Variants in ANGPTL5 observed in about 807,000 individuals in gnomAD.
ANGPTL5 encodes the protein angiopoietin-related protein 5.
ANGPTL5 carries 34 observed loss-of-function variants against 39.4 expected under a neutral mutation model. That is an observed-to-expected ratio of 0.86 (90% CI 0.66 to 1.15). The LOEUF is 1.15. Among genes scored for constraint, ANGPTL5 ranks in the 50% most tolerant of loss-of-function variants. The probability of loss-of-function intolerance (pLI) is 0.00; values close to 1 mark genes in which losing one functional copy is unlikely to be tolerated. For missense variants in ANGPTL5, 467 were observed against 457.5 expected (o/e 1.02, Z -0.19); for synonymous variants, 146 against 152.1 (o/e 0.96, Z 0.29).
intron 6 of ANGPTL5, among the ~76,000 whole-genome samples, chr11:101,902,286 CAAGT>C (rs2137058141): frequency 6.6e-6 from 1 of 152,170 alleles, no homozygotes; most frequent in East Asian, 1.9e-4. Context: ...TTAAAGCAAG[CAAGT>C]ATTTATATTG....
At chr11:101,906,860 A>G (rs1940005292) in intron 3 of ANGPTL5, among the ~76,000 whole-genome samples, 2 of 152,160 alleles carry the variant, frequency 1.3e-5, no homozygotes, top group African/African-American at 2.4e-5. Flanking sequence ...AGCTGCACTC[A>G]TTGGTTTGAG....
intron 1 of ANGPTL5, among the ~76,000 whole-genome samples, chr11:101,910,422 AAAATAT>A (rs1327225800): frequency 3.1e-5 from 4 of 128,350 alleles, no homozygotes; most frequent in African/African-American, 8.4e-5. Context: ...AAAAAAAAAA[AAAATAT>A]ATATATATAT....
chr11:101,911,579 G>A (rs1236643796), intron 1 of ANGPTL5, among the ~76,000 whole-genome samples: 4 of 152,022 alleles, frequency 2.6e-5, no homozygotes, highest in Non-Finnish European at 4.4e-5. Flanking sequence ...AAAGTGTGTG[G>A]CACCTCCCCT....
At chr11:101,912,375 A>T (rs796577756) in intron 1 of ANGPTL5, among the ~76,000 whole-genome samples, 31 of 152,314 alleles carry the variant, frequency 2.0e-4, no homozygotes, top group African/African-American at 7.5e-4. Flanking sequence ...AAATCCTCAA[A>T]TTTTTTATTA....
chr11:101,900,590 A>C, intron 6 of ANGPTL5, 40 bp from the exon 7 acceptor site: 1 of 1,590,206 alleles, frequency 6.3e-7, no homozygotes, highest in Non-Finnish European at 8.6e-7. Context: ...ATACACTATT[A>C]TTTTCATTAT....
intron 7 of ANGPTL5, among the ~76,000 whole-genome samples, chr11:101,896,670 TG>T (rs1452518800): frequency 2.0e-5 from 3 of 152,218 alleles, no homozygotes; most frequent in Non-Finnish European, 4.4e-5. Flanking sequence ...TCCATGTCCC[TG>T]CAAAGGACAT....
intron 1 of ANGPTL5, among the ~76,000 whole-genome samples, chr11:101,909,457 T>C (rs555925402): frequency 3.9e-5 from 6 of 152,232 alleles, no homozygotes; most frequent in Non-Finnish European, 8.8e-5. Context: ...ATATGTAACA[T>C]TGCGGACAAT....
intron 8 of ANGPTL5, among the ~76,000 whole-genome samples, chr11:101,893,693 A>G (rs908020734): frequency 5.9e-5 from 9 of 152,198 alleles, no homozygotes; most frequent in African/African-American, 1.9e-4. Context: ...GCACTTTTAG[A>G]GAGCAAGCAT....
chr11:101,906,974 G>C, intron 3 of ANGPTL5, 129 bp downstream of exon 3: 1 of 684,860 alleles, frequency 1.5e-6, no homozygotes, highest in South Asian at 2.2e-5. Flanking sequence ...AAACAATAAA[G>C]CTTCTGGCCT....
Position 101,908,004 on chromosome 11 carries a change from G to A in ANGPTL5, c.-92-3C>T, listed in dbSNP as rs1472268162. The stretch of plus-strand genomic sequence containing the variant: ...ATAGAGTCTTCAGTTAAAAACCTCT[G>A]GAAAGCGTACAACAAAAACATAAGC... On this transcript the variant is annotated splice_polypyrimidine_tract_variant and splice_region_variant and intron_variant, in intron 1 of 8. Transcript: ENST00000334289. The A allele has an allele frequency of 8.8e-6, 8 of 913,486 alleles. No individual in the cohort carries two copies. Among genetic ancestry groups the A allele is most frequent in the Non-Finnish European group, 1.4e-5 (8 of 573,414 alleles). 56.6% of individuals were successfully genotyped at this position (913,486 alleles called of 1,614,324 possible). A position where few individuals can be genotyped will look rare whatever the true frequency, so the allele number is the denominator to read the frequency against.
chr11:101,905,986 A>G, intron 3 of ANGPTL5, 139 bp from the exon 4 acceptor site: 1 of 629,476 alleles, frequency 1.6e-6, no homozygotes, highest in Non-Finnish European at 2.8e-6. Context: ...ACTCAGAATT[A>G]CATATTTTAG....
chr11:101,906,810 G>T (rs1364382345), intron 3 of ANGPTL5, among the ~76,000 whole-genome samples: 2 of 151,786 alleles, frequency 1.3e-5, no homozygotes, highest in Non-Finnish European at 2.9e-5. Context: ...CTTTCTATTA[G>T]CTTTTTCCTG....
intron 1 of ANGPTL5, among the ~76,000 whole-genome samples, chr11:101,913,145 T>A (rs1312889837): frequency 6.6e-6 from 1 of 152,180 alleles, no homozygotes; most frequent in Non-Finnish European, 1.5e-5. Flanking sequence ...ACAGACTGAT[T>A]TCAATAACTT....
chr11:101,902,688 C>A lies in ANGPTL5; in HGVS notation c.473G>T (p.Gly158Val). ...LDCTDIKDTI[G>V]SVTKTPSGLY... ...ACCACTCGGTGTTTTGGTGACAGAG[C>A]CAATGGTATCCTTAATATCAGTGCA... Residue 158 changes from glycine (G) to valine (V), a missense_variant, in exon 6 of 9, where the codon GGC becomes GTC. Gly to Val is a moderately radical substitution (Grantham distance 109, BLOSUM62 -3). Coordinates refer to ENST00000334289, the MANE Select transcript of ANGPTL5 (RefSeq NM_178127.5). 1.2e-6 allele frequency: 2 copies of A among 1,611,118 alleles called. No homozygotes were observed. The highest frequency in any genetic ancestry group is 1.7e-6 in the Non-Finnish European group (2 of 1,178,006).
intron 7 of ANGPTL5, among the ~76,000 whole-genome samples, chr11:101,899,173 A>C (rs946337035): frequency 2.0e-5 from 3 of 152,188 alleles, no homozygotes; most frequent in African/African-American, 7.2e-5. Flanking sequence ...AGAGTTACGG[A>C]GGAGTCCCTC....
intron 7 of ANGPTL5, among the ~76,000 whole-genome samples, chr11:101,899,717 C>A (rs2137055427): frequency 6.6e-6 from 1 of 152,312 alleles, no homozygotes; most frequent in South Asian, 2.1e-4. Context: ...AGGACTGACA[C>A]CACCACTTAC....
At chr11:101,915,200 A>AG in intron 1 of ANGPTL5, 34 of 1,576,366 alleles carry the variant, frequency 2.2e-5, no homozygotes, top group Non-Finnish European at 2.9e-5. Context: ...GAGTGTAGGG[A>AG]GGGGCCGAGC....
At chr11:101,915,354 G>A in intron 1 of ANGPTL5, 1 of 1,613,982 alleles carries the variant, frequency 6.2e-7, no homozygotes, top group South Asian at 1.1e-5. Context: ...GGACAACCTC[G>A]ACAGAGCCCC....
In ANGPTL5 at chr11:101,907,887, G is replaced by T; in HGVS notation, c.23C>A (p.Ser8Ter). MMSPSQA[S>*]LLFLNVCIFI... ...AATACATACATTTAAGAATAAGAGT[G>T]AGGCTTGGGATGGAGACATCATATT... The change falls in exon 2 of 9, where the codon TCA becomes TAA. Residue 8 changes from serine to a stop codon, truncating the protein, a stop_gained. Transcript: ENST00000334289. LOFTEE classifies it high-confidence loss of function. 6.2e-7 allele frequency: 1 copy of T among 1,609,498 alleles called. No individual in the cohort carries two copies. Among genetic ancestry groups the T allele is most frequent in the Non-Finnish European group, 8.5e-7 (1 of 1,176,078 alleles).
Sources: gnomAD v4.1 joint callset for allele counts (sites outside exome capture counted in the v4.1 genomes callset) on GRCh38, gnomAD v4.1.1 for gene constraint, MANE v1.5 for transcripts, NCBI Gene and HGNC (gene_info 2026-07-23, HGNC 2026-07-21) for gene names.